Variants in LAPTM4B observed in about 807,000 individuals in gnomAD.
LAPTM4B encodes lysosomal protein transmembrane 4 beta.
A neutral mutation model predicts 28.5 loss-of-function variants in LAPTM4B; 26 were observed. That is an observed-to-expected ratio of 0.91 (90% CI 0.67 to 1.27). The LOEUF is 1.27. Ranked by LOEUF, LAPTM4B falls within the 50% of genes most tolerant of loss-of-function variation. The pLI, the probability that LAPTM4B is intolerant of heterozygous loss-of-function variation, is 0.00. For missense variants in LAPTM4B, 288 were observed against 285.8 expected (o/e 1.01, Z -0.06); for synonymous variants, 109 against 106.4 (o/e 1.02, Z -0.15).
intron 6 of LAPTM4B, among the ~76,000 whole-genome samples, chr8:97,850,790 A>G (rs977555400): frequency 6.8e-6 from 1 of 146,990 alleles, no homozygotes; most frequent in Non-Finnish European, 1.5e-5. Context: ...TACTAGATGC[A>G]TAATAAATGT....
intron 6 of LAPTM4B, among the ~76,000 whole-genome samples, chr8:97,838,596 G>A (rs117326077): frequency 6.6e-6 from 1 of 152,166 alleles, no homozygotes; most frequent in African/African-American, 2.4e-5. Flanking sequence ...ACTACAACCT[G>A]ATCAGCCTGG....
intron 2 of LAPTM4B, among the ~76,000 whole-genome samples, chr8:97,813,638 T>G (rs1816860760): frequency 6.6e-6 from 1 of 152,266 alleles, no homozygotes; most frequent in South Asian, 2.1e-4. Context: ...AGGAGTTAGA[T>G]CAGCTCTGGT....
rs144225253 is a variant in LAPTM4B at position 97,821,320 on chromosome 8, C to T, written c.507+2082C>T. On this transcript the variant is annotated intron_variant, in intron 5 of 6. Coordinates refer to ENST00000521545, the MANE Select transcript of LAPTM4B (RefSeq NM_018407.6). ...TACTGCACTCCAGCCTGGGCGACTC[C>T]ATCTCAAAAAAAAATAGTGAAATGT... Among the ~76,000 whole-genome samples the T allele has an allele frequency of 7.4e-3, 879 of 119,364 alleles. 7 individuals carry two copies. Among genetic ancestry groups the T allele is most frequent in the Admixed American group, 0.013 (152 of 12,120 alleles). The allele number at this position is 119,364 out of a possible 152,430, so 78.3% of individuals were successfully genotyped here.
In LAPTM4B at chr8:97,816,092, AC is replaced by A. The variant is rs1482009554; in HGVS notation, c.322del (p.Gln108ArgfsTer7). The part of the protein sequence containing the change: ...RAAWIIPFFC[Y>X]QIFDFALNML... ...GCCTGGATCATCCCATTCTTCTGTT[AC>A]CAGATCTTTGACTTTGCCCTGAACA... On this transcript the variant is annotated frameshift_variant, in exon 4 of 7. Coordinates refer to ENST00000521545, the MANE Select transcript of LAPTM4B (RefSeq NM_018407.6). LOFTEE classifies it high-confidence loss of function. 6.2e-7 allele frequency: 1 copy of A among 1,613,616 alleles called. No individual in the cohort carries two copies. Among genetic ancestry groups the A allele is most frequent in the Non-Finnish European group, 8.5e-7 (1 of 1,179,802 alleles).
intron 2 of LAPTM4B, among the ~76,000 whole-genome samples, chr8:97,812,464 C>G (rs1404130390): frequency 6.6e-6 from 1 of 152,094 alleles, no homozygotes; most frequent in African/African-American, 2.4e-5. Flanking sequence ...GCGTCGGCCT[C>G]CCAGAGTGCT....
intron 6 of LAPTM4B, among the ~76,000 whole-genome samples, chr8:97,837,108 G>C (rs1817271283): frequency 6.6e-6 from 1 of 151,998 alleles, no homozygotes; most frequent in African/African-American, 2.4e-5. Context: ...CTGACTAAGG[G>C]GGAATGGGAG....
chr8:97,831,974 A>C (rs1817189953), intron 6 of LAPTM4B, among the ~76,000 whole-genome samples: 1 of 152,104 alleles, frequency 6.6e-6, no homozygotes, highest in African/African-American at 2.4e-5. Flanking sequence ...TGGTCACAGG[A>C]GCCTTCTGCT....
intron 2 of LAPTM4B, among the ~76,000 whole-genome samples, chr8:97,813,292 CG>C (rs1252312328): frequency 2.0e-5 from 3 of 152,314 alleles, no homozygotes; most frequent in African/African-American, 7.2e-5. Context: ...AGTCCAAAAG[CG>C]GAAGAATCTG....
Position 97,775,900 on chromosome 8 carries a change from GGGAGCCGGAGCGGCGGA to G in LAPTM4B, c.-101_-85del, listed in dbSNP as rs1816198312. Reference sequence around the variant, plus strand: ...CCGCGGGCGCACGGGCGAGCGGGCCGGGAGCCGGAGCGGCGGAGGAGCCGGCAGCAGCGGCGCGGCGG... The same window carrying G: ...CCGCGGGCGCACGGGCGAGCGGGCCGGGAGCCGGCAGCAGCGGCGCGGCGG... On this transcript the variant is annotated 5_prime_UTR_variant, in exon 1 of 7. Coordinates refer to ENST00000521545, the MANE Select transcript of LAPTM4B (RefSeq NM_018407.6). The G allele has an allele frequency of 1.4e-6, 2 of 1,459,404 alleles. No individual in the cohort carries two copies. Among genetic ancestry groups the G allele is most frequent in the Non-Finnish European group, 1.8e-6 (2 of 1,114,434 alleles). The allele number at this position is 1,459,404 out of a possible 1,614,324, so 90.4% of individuals were successfully genotyped here.
rs938645032 is a variant in LAPTM4B at position 97,824,993 on chromosome 8, G to T, written c.508-65G>T. The T allele has an allele frequency of 7.0e-6, 6 of 862,366 alleles. No individual in the cohort carries two copies. In the African/African-American group the frequency reaches 9.9e-5, roughly 14 times the overall value. The allele number at this position is 862,366 out of a possible 1,614,324, so 53.4% of individuals were successfully genotyped here. ...AAAGTTTTATAATATGGCTTTATCT[G>T]TGTGGTATTCTAAATTACCTGCAGT... On this transcript the variant is annotated intron_variant, in intron 5 of 6. Transcript: ENST00000521545.
At chr8:97,837,726 C>T (rs954476208) in intron 6 of LAPTM4B, among the ~76,000 whole-genome samples, 6 of 152,046 alleles carry the variant, frequency 3.9e-5, no homozygotes, top group South Asian at 2.1e-4. Context: ...CTGTCATCTG[C>T]GTAAATGAAC....
chr8:97,809,328 C>CT (rs768612915), intron 2 of LAPTM4B, among the ~76,000 whole-genome samples: 70 of 152,322 alleles, frequency 4.6e-4, no homozygotes, highest in Non-Finnish European at 8.8e-4. Context: ...AGCAGAGTGA[C>CT]ATGAATTTAA....
chr8:97,779,707 C>G (rs4570127), intron 1 of LAPTM4B, among the ~76,000 whole-genome samples: 1 of 149,292 alleles, frequency 6.7e-6, no homozygotes, highest in African/African-American at 2.5e-5. Flanking sequence ...ATTGCTTGAA[C>G]TCTGGAGGTG....
At chr8:97,834,158 A>AAAAAAAAAAAAAAAAAAAACAT (rs1817226479) in intron 6 of LAPTM4B, among the ~76,000 whole-genome samples, 1 of 150,000 alleles carries the variant, frequency 6.7e-6, no homozygotes, top group Admixed American at 6.6e-5. Flanking sequence ...AAAAAAAAAA[A>AAAAAAAAAAAAAAAAAAAACAT]TCCAGGTGGC....
rs1171792735 is a variant in LAPTM4B at position 97,775,907 on chromosome 8, G to A, written c.-103G>A. Reference sequence around the variant, plus strand: ...CGCACGGGCGAGCGGGCCGGGAGCCGGAGCGGCGGAGGAGCCGGCAGCAGC... The same window carrying A: ...CGCACGGGCGAGCGGGCCGGGAGCCAGAGCGGCGGAGGAGCCGGCAGCAGC... On this transcript the variant is annotated 5_prime_UTR_variant, in exon 1 of 7. Transcript: ENST00000521545. 12 of 1,436,350 alleles carry A rather than the reference G, an allele frequency of 8.4e-6. No homozygotes were observed. Among genetic ancestry groups the A allele is most frequent in the Middle Eastern group, 2.4e-4 (1 of 4,096 alleles). The allele number at this position is 1,436,350 out of a possible 1,614,324, so 89.0% of individuals were successfully genotyped here.
At chr8:97,782,818 G>A (rs1333493275) in intron 1 of LAPTM4B, among the ~76,000 whole-genome samples, 2 of 151,532 alleles carry the variant, frequency 1.3e-5, no homozygotes, top group Non-Finnish European at 1.5e-5. Flanking sequence ...TGCAGCCTCC[G>A]CCTCTTGGGT....
chr8:97,796,775 A>G (rs1301856487), intron 1 of LAPTM4B, among the ~76,000 whole-genome samples: 1 of 151,980 alleles, frequency 6.6e-6, no homozygotes, highest in Non-Finnish European at 1.5e-5. Flanking sequence ...CCCCTTCTCT[A>G]CTAAAAATAC....
At chr8:97,807,376 G>A (rs1816770911) in intron 2 of LAPTM4B, among the ~76,000 whole-genome samples, 1 of 152,298 alleles carries the variant, frequency 6.6e-6, no homozygotes, top group Middle Eastern at 3.4e-3. Context: ...TTCAAGACCA[G>A]CCTGGTCAAC....
Position 97,805,344 on chromosome 8 carries a change from T to TTTTTG in LAPTM4B, c.100-8_100-7insTTTGT, listed in dbSNP as rs1192435494. On this transcript the variant is annotated splice_polypyrimidine_tract_variant and intron_variant, in intron 1 of 6. Coordinates refer to ENST00000521545, the MANE Select transcript of LAPTM4B (RefSeq NM_018407.6). ...AAATTCTTTTTTTTTTTTTTTTTTCTTGTTGCAGATCATCAATGCTGTGGT... is the reference window on the plus strand; with the variant it reads ...AAATTCTTTTTTTTTTTTTTTTTTCTTTTTGTGTTGCAGATCATCAATGCTGTGGT... The TTTTTG allele has an allele frequency of 7.3e-7, 1 of 1,379,216 alleles. No individual in the cohort carries two copies. The highest frequency in any genetic ancestry group is 1.3e-5 in the South Asian group (1 of 79,756). The allele number at this position is 1,379,216 out of a possible 1,614,324, so 85.4% of individuals were successfully genotyped here.
Sources: allele counts gnomAD v4.1 joint callset (sites outside exome capture counted in the v4.1 genomes callset), GRCh38; gene constraint gnomAD v4.1.1; transcripts MANE v1.5; gene names NCBI Gene and HGNC (gene_info 2026-07-23, HGNC 2026-07-21).